The following POLR3C variants were observed in gnomAD, a reference collection of about 807,000 sequenced individuals.
The protein encoded by POLR3C is RNA polymerase III subunit C.
A neutral mutation model predicts 65.9 loss-of-function variants in POLR3C; 44 were observed. The ratio of observed to expected loss-of-function variants is 0.67; its 90% CI spans 0.52 to 0.86. POLR3C has a LOEUF of 0.86. Among genes scored for constraint, POLR3C ranks in the 40% least tolerant of loss-of-function variants. The probability of loss-of-function intolerance (pLI) is 0.00; values close to 1 mark genes in which losing one functional copy is unlikely to be tolerated. For missense variants in POLR3C, 576 were observed against 653.2 expected, an observed-to-expected ratio of 0.88 and a Z score of 1.29; for synonymous variants, 263 against 231.6, an observed-to-expected ratio of 1.14 and a Z score of -1.23.
chr1:145,841,163 A>C, intron 14 of POLR3C, 92 bp downstream of exon 14: 1 of 1,013,250 alleles, frequency 9.9e-7, no homozygotes, highest in Non-Finnish European at 1.5e-6. Flanking sequence ...GCATGAGCAA[A>C]CCTAAACTCA....
rs587654039 is a variant in POLR3C, at chr1:145,842,673, G to C, written c.*253G>C. 9.3e-4 allele frequency among the ~76,000 whole-genome samples: 142 copies of C among 152,246 alleles called. No individual in the cohort carries two copies. In the South Asian group the frequency reaches 0.011, roughly 12 times the overall value. ...GGTTAATCATCTATCAGATGCATCT[G>C]TTCCCATAAAGAAGTTACCCACACC... On this transcript the variant is annotated 3_prime_UTR_variant, in exon 15 of 15. Transcript: ENST00000334163.
rs1559150095 is a variant in POLR3C at position 145,836,796 on chromosome 1, T to A, written c.958-19T>A. 1 of 1,535,110 alleles carries A rather than the reference T, an allele frequency of 6.5e-7. No homozygotes were observed. The highest frequency in any genetic ancestry group is 2.2e-5 in the East Asian group (1 of 44,508). On this transcript the variant is annotated intron_variant, in intron 8 of 14. Transcript: ENST00000334163. Reference sequence around the variant, plus strand: ...ACTGGACTTTCCGTTCAGTTAACACTCTCTCTTTTTCTTAATAGCTAGAGT... The same window carrying A: ...ACTGGACTTTCCGTTCAGTTAACACACTCTCTTTTTCTTAATAGCTAGAGT...
chr1:145,841,144 TC>T, intron 14 of POLR3C, 73 bp downstream of exon 14: 1 of 1,320,282 alleles, frequency 7.6e-7, no homozygotes, highest in Non-Finnish European at 1.1e-6. Context: ...CCTGTAACCC[TC>T]CAGCTTAGCA....
chr1:145,835,865 C>A (rs1272224041), intron 7 of POLR3C, among the ~76,000 whole-genome samples: 1 of 152,088 alleles, frequency 6.6e-6, no homozygotes, highest in Non-Finnish European at 1.5e-5. Context: ...CGTGATCCAC[C>A]ACACCCAACC....
At chr1:145,827,032 T>C (rs1188131003) in intron 4 of POLR3C, 27 bp downstream of exon 4, 1 of 1,519,224 alleles carries the variant, frequency 6.6e-7, no homozygotes, top group African/African-American at 1.4e-5. Context: ...CCTGGAACTG[T>C]GACTTGCCTT....
chr1:145,828,689 T>G (rs945728054), intron 4 of POLR3C, 60 bp from the exon 5 acceptor site: 53 of 1,163,970 alleles, frequency 4.6e-5, no homozygotes, highest in Non-Finnish European at 9.1e-6. Flanking sequence ...GCTCTCATGT[T>G]TGGTCATTTC....
In POLR3C at chr1:145,836,503, T is replaced by A. The variant is rs782138896; in HGVS notation, c.886T>A (p.Ser296Thr). Residue 296 changes from serine to threonine, a missense_variant, in exon 8 of 15, where the codon TCC (serine) becomes ACC (threonine). Transcript: ENST00000334163. ...GTCCTTTGCTCCATAGATCTTCAGATCCCTACCTGTTGGCTATAACATCTC... is the reference window on the plus strand; with the variant it reads ...GTCCTTTGCTCCATAGATCTTCAGAACCCTACCTGTTGGCTATAACATCTC... Reference protein sequence around the residue: ...QPLSSNEIFRSLPVGYNISKQ... With the variant: ...QPLSSNEIFRTLPVGYNISKQ... 1.9e-6 allele frequency: 3 copies of A among 1,590,960 alleles called. No homozygotes were observed. Among genetic ancestry groups the A allele is most frequent in the Non-Finnish European group, 2.6e-6 (3 of 1,159,268 alleles).
At position 145,838,113 on chromosome 1, in the gene POLR3C, G is replaced by A. The variant is rs781910868; in HGVS notation, c.1128G>A (p.Glu376=). 1 of 1,613,608 alleles carries A rather than the reference G, an allele frequency of 6.2e-7. No individual in the cohort carries two copies. Among genetic ancestry groups the A allele is most frequent in the South Asian group, 1.1e-5 (1 of 91,074 alleles). Residue 376 remains glutamate, a synonymous_variant, in exon 11 of 15, where the codon GAG becomes GAA. Transcript: ENST00000334163. ...TAGTTTTGCAGAAGAAACACATAGA[G>A]CAGAAGCAAGTGGAAGACTTTGCAA... ...FRLVLQKKHI[E]QKQVEDFAMI...
chr1:145,830,251 C>A (rs1316007197), intron 5 of POLR3C, among the ~76,000 whole-genome samples: 8 of 142,582 alleles, frequency 5.6e-5, no homozygotes, highest in Non-Finnish European at 6.1e-5. Flanking sequence ...TGATGCAAAA[C>A]AAAATTAGAA....
Position 145,837,577 on chromosome 1 carries a change from G to A in POLR3C, c.1051G>A (p.Glu351Lys), listed in dbSNP as rs17849852. Residue 351 changes from glutamate to lysine, a missense_variant, in exon 10 of 15, where the codon GAG becomes AAG. Transcript: ENST00000334163. The part of the protein sequence containing the change: ...ALASLATATL[E>K]SVVQERFGSR... ...AGCATCCCTAGCCACAGCCACTCTG[G>A]AGTCCGTCGTACAGGAGAGGTAAGG... 1.9e-5 allele frequency: 30 copies of A among 1,608,088 alleles called. No individual in the cohort carries two copies. Among genetic ancestry groups the A allele is most frequent in the Non-Finnish European group, 2.5e-5 (29 of 1,176,348 alleles).
Position 145,841,090 on chromosome 1 carries a change from A to G in POLR3C, c.1523+19A>G. On this transcript the variant is annotated intron_variant, in intron 14 of 14. Transcript: ENST00000334163. ...TCAACAAGTAAGCATCATAAACTTC[A>G]GACCTGCATTTCAGAATACCATCCA... 6.2e-7 allele frequency: 1 copy of G among 1,608,022 alleles called. No individual in the cohort carries two copies. Among genetic ancestry groups the G allele is most frequent in the South Asian group, 1.1e-5 (1 of 90,858 alleles).
chr1:145,841,806 T>C (rs1553730660), intron 14 of POLR3C, among the ~76,000 whole-genome samples: 2 of 152,154 alleles, frequency 1.3e-5, no homozygotes, highest in African/African-American at 2.4e-5. Flanking sequence ...ACTTTTTTTT[T>C]TTCCTGCCCC....
chr1:145,824,542 A>G (rs1288604052), intron 1 of POLR3C, 173 bp downstream of exon 1: 1 of 1,289,984 alleles, frequency 7.8e-7, no homozygotes, highest in African/African-American at 1.5e-5. Context: ...TGGATGGACG[A>G]AATAGGTCTC....
At chr1:145,828,700 C>T (rs1553726406) in intron 4 of POLR3C, 49 bp from the exon 5 acceptor site, 2 of 1,254,730 alleles carry the variant, frequency 1.6e-6, no homozygotes, top group Non-Finnish European at 2.3e-6. Context: ...TGGTCATTTC[C>T]TGTCATCATA....
chr1:145,841,873 C>T (rs1652319910), intron 14 of POLR3C, among the ~76,000 whole-genome samples: 2 of 151,772 alleles, frequency 1.3e-5, no homozygotes, highest in Non-Finnish European at 2.9e-5. Context: ...AAGCAGACAT[C>T]TTTGTTTTGT....
rs1046414483 is a variant in POLR3C, at chr1:145,843,917, T to C, written c.*1497T>C. ...GATACACAAATGGCCGACAGATACA[T>C]CAAAAAATGTTCAACATCACTAATC... On this transcript the variant is annotated 3_prime_UTR_variant, in exon 15 of 15. Transcript: ENST00000334163. Among the ~76,000 whole-genome samples, 10 of 152,062 alleles carry C rather than the reference T, an allele frequency of 6.6e-5. No homozygotes were observed. The highest frequency in any genetic ancestry group is 2.4e-4 in the African/African-American group (10 of 41,402).
At position 145,830,933 on chromosome 1, in the gene POLR3C, A is replaced by G. The variant is rs587621144; in HGVS notation, c.678+2096A>G. Among the ~76,000 whole-genome samples, 12 of 151,176 alleles carry G rather than the reference A, an allele frequency of 7.9e-5. No homozygotes were observed. The South Asian group carries it at 2.1e-3, about 26-fold the overall frequency. ...AGCCTGGACAACATAGTGAGACCCC[A>G]TCTGTACCAAAAAAAAAAACACCAG... On this transcript the variant is annotated intron_variant, in intron 5 of 14. Transcript: ENST00000334163.
At chr1:145,835,303 G>A (rs1553728288) in intron 7 of POLR3C, among the ~76,000 whole-genome samples, 1 of 151,802 alleles carries the variant, frequency 6.6e-6, no homozygotes, top group East Asian at 2.0e-4. Context: ...AAATTAGCCA[G>A]GCATGGTGAT....
chr1:145,842,324 T>G lies in POLR3C; in HGVS notation c.1524-15T>G, dbSNP rs1553730761. ...GAACATTCAGTCTAGGCAAATGCCT[T>G]TACTTTTCACTCAGGTTGGATGCCA... On this transcript the variant is annotated splice_polypyrimidine_tract_variant and intron_variant, in intron 14 of 14. Transcript: ENST00000334163. The G allele has an allele frequency of 6.4e-7, 1 of 1,563,042 alleles. No individual in the cohort carries two copies. Among genetic ancestry groups the G allele is most frequent in the Non-Finnish European group, 8.8e-7 (1 of 1,136,680 alleles).
Sources: allele counts gnomAD v4.1 joint callset (sites outside exome capture counted in the v4.1 genomes callset), GRCh38; gene constraint gnomAD v4.1.1; transcripts MANE v1.5; gene names NCBI Gene and HGNC (gene_info 2026-07-23, HGNC 2026-07-21).